Variants in USP53 observed in about 807,000 individuals in gnomAD.
USP53 encodes ubiquitin specific peptidase 53.
USP53 carries 71 observed loss-of-function variants against 94.9 expected under a neutral mutation model. The ratio of observed to expected loss-of-function variants is 0.75; its 90% confidence interval spans 0.62 to 0.91. USP53 has a LOEUF of 0.91. Ranked by LOEUF, USP53 falls within the 40% of genes least tolerant of loss-of-function variation. The pLI is 0.00. For missense variants in USP53, 1,173 were observed against 1,281.0 expected (o/e 0.92, Z 1.29); for synonymous variants, 375 against 422.7 (o/e 0.89, Z 1.39).
In USP53 at chr4:119,268,316, G is replaced by A. The variant is rs1367692590; in HGVS notation, c.1184G>A (p.Gly395Glu). 5.6e-6 allele frequency: 9 copies of A among 1,613,616 alleles called. No homozygotes were observed. Among genetic ancestry groups the A allele is most frequent in the Non-Finnish European group, 7.6e-6 (9 of 1,179,872 alleles). ...AAGTCAGATAATTTAAAAGAAAATGGATTTGGTGATCAGGCAAAGCAGAGA... is the reference window on the plus strand; with the variant it reads ...AAGTCAGATAATTTAAAAGAAAATGAATTTGGTGATCAGGCAAAGCAGAGA... ...IHKSDNLKEN[G>E]FGDQAKQREN... The change falls in exon 14 of 19, where the codon GGA (glycine) becomes GAA (glutamate). Residue 395 changes from glycine (G) to glutamate (E), a missense_variant. Transcript: ENST00000692078.
chr4:119,232,261 CTATCTT>C (rs1392151183), intron 3 of USP53, among the ~76,000 whole-genome samples: 1 of 152,176 alleles, frequency 6.6e-6, no homozygotes, highest in Non-Finnish European at 1.5e-5. Context: ...GAAAGAAACT[CTATCTT>C]TAACGATCAC....
Position 119,271,339 on chromosome 4 carries a change from T to C in USP53, c.1479T>C (p.Pro493=), listed in dbSNP as rs1170390345. 1 of 1,594,756 alleles carries C rather than the reference T, an allele frequency of 6.3e-7. No individual in the cohort carries two copies. The change falls in exon 16 of 19, where the codon CCT becomes CCC. Residue 493 remains proline, a synonymous_variant. Coordinates refer to ENST00000692078, the MANE Select transcript of USP53 (RefSeq NM_001371395.1). The part of the protein sequence containing the change: ...EDLSHFQSGS[P]PAPNGFKQHG... ...TTTCACATTTCCAATCTGGATCACC[T>C]CCTGCCCCAAATGGTTTTAAACAAC... is the stretch of plus-strand genomic sequence containing the variant.
At chr4:119,251,626 C>T (rs1452216972) in intron 7 of USP53, among the ~76,000 whole-genome samples, 1 of 77,232 alleles carries the variant, frequency 1.3e-5, no homozygotes, top group Non-Finnish European at 3.2e-5. Flanking sequence ...CATCTGCAAA[C>T]AGAGACAATT....
chr4:119,233,178 T>C (rs1320168216), intron 3 of USP53, among the ~76,000 whole-genome samples: 1 of 151,902 alleles, frequency 6.6e-6, no homozygotes, highest in East Asian at 1.9e-4. Flanking sequence ...CTCTCTCTTT[T>C]TTTTTTTTAA....
rs189371404 is a variant in USP53 at position 119,231,182 on chromosome 4, T to C, written c.-664-4108T>C. 3.8e-3 allele frequency among the ~76,000 whole-genome samples: 573 copies of C among 152,314 alleles called. 2 individuals carry two copies. Among genetic ancestry groups the C allele is most frequent in the Middle Eastern group, 6.8e-3 (2 of 294 alleles). On this transcript the variant is annotated intron_variant, in intron 3 of 18. Transcript: ENST00000692078. ...TTCTGGAATCAGAAAGTCCAACTTA[T>C]GTTCAAAGTGGATGCAGAGGTAACA...
chr4:119,274,266 G>A (rs1226760558), intron 17 of USP53, among the ~76,000 whole-genome samples: 1 of 100,020 alleles, frequency 1.0e-5, no homozygotes, highest in African/African-American at 3.9e-5. Context: ...CCCCACCGCA[G>A]TCCCCAGAGT....
intron 7 of USP53, among the ~76,000 whole-genome samples, chr4:119,251,060 C>T (rs995757651): frequency 6.6e-6 from 1 of 151,472 alleles, no homozygotes; most frequent in East Asian, 1.9e-4. Flanking sequence ...CCCCTAGCCC[C>T]CCACCCCCCA....
chr4:119,270,380 A>C (rs1412176590), intron 15 of USP53, among the ~76,000 whole-genome samples: 1 of 152,004 alleles, frequency 6.6e-6, no homozygotes, highest in Non-Finnish European at 1.5e-5. Context: ...TTACAGGGGT[A>C]CCCAGACCTA....
At chr4:119,247,726 G>A (rs1453575657) in intron 6 of USP53, among the ~76,000 whole-genome samples, 2 of 152,082 alleles carry the variant, frequency 1.3e-5, no homozygotes, top group East Asian at 1.9e-4. Flanking sequence ...TGACAGTCTC[G>A]CATAGGATTA....
chr4:119,224,230 C>T (rs1285541104), intron 3 of USP53, among the ~76,000 whole-genome samples: 1 of 152,022 alleles, frequency 6.6e-6, no homozygotes, highest in Non-Finnish European at 1.5e-5. Context: ...GAACTCCTGA[C>T]CTCGTGATCT....
chr4:119,215,826 A>G (rs1743661570), intron 2 of USP53, among the ~76,000 whole-genome samples: 1 of 152,250 alleles, frequency 6.6e-6, no homozygotes, highest in African/African-American at 2.4e-5. Flanking sequence ...TTTTTCTGCA[A>G]AATAAACCTT....
chr4:119,227,487 G>A (rs1028726670), intron 3 of USP53, among the ~76,000 whole-genome samples: 9 of 152,098 alleles, frequency 5.9e-5, no homozygotes, highest in Non-Finnish European at 1.2e-4. Context: ...AAAATTAGCC[G>A]GGCGTGGTGG....
intron 1 of USP53, among the ~76,000 whole-genome samples, chr4:119,213,820 A>C (rs1743307744): frequency 1.3e-5 from 2 of 151,680 alleles, no homozygotes; most frequent in Non-Finnish European, 2.9e-5. Context: ...CAGTGAGCCG[A>C]GATCGCGCCA....
At chr4:119,251,022 A>G (rs1019799549) in intron 7 of USP53, among the ~76,000 whole-genome samples, 7 of 152,066 alleles carry the variant, frequency 4.6e-5, no homozygotes, top group Non-Finnish European at 8.8e-5. Flanking sequence ...TGTCACCTAC[A>G]TTAGGTATTT....
Position 119,292,730 on chromosome 4 carries a change from A to T in USP53, c.2741A>T (p.Lys914Ile). Reference sequence around the variant, plus strand: ...AGATCTGATGGGTGTCAGATGCCAAAACTTTTTTGCCAGAATCTACCACCC... The same window carrying T: ...AGATCTGATGGGTGTCAGATGCCAATACTTTTTTGCCAGAATCTACCACCC... Reference protein sequence around the residue: ...ASRSDGCQMPKLFCQNLPPPL... With the variant: ...ASRSDGCQMPILFCQNLPPPL... The change falls in exon 19 of 19, where the codon AAA becomes ATA. Residue 914 changes from lysine (K) to isoleucine (I), a missense_variant. Transcript: ENST00000692078. 6.2e-7 allele frequency: 1 copy of T among 1,614,024 alleles called. No individual in the cohort carries two copies. The highest frequency in any genetic ancestry group is 8.5e-7 in the Non-Finnish European group (1 of 1,179,956).
chr4:119,240,690 G>T (rs529022437), intron 5 of USP53, among the ~76,000 whole-genome samples: 1 of 152,108 alleles, frequency 6.6e-6, no homozygotes, highest in East Asian at 1.9e-4. Context: ...ATATTGTGTT[G>T]ATTAGCTCAT....
intron 9 of USP53, among the ~76,000 whole-genome samples, chr4:119,259,321 G>A (rs1354770709): frequency 1.3e-5 from 2 of 149,600 alleles, no homozygotes; most frequent in Non-Finnish European, 3.0e-5. Flanking sequence ...TTCAAAATAA[G>A]AACAAAAGGA....
At chr4:119,240,523 T>C (rs2149327138) in intron 5 of USP53, among the ~76,000 whole-genome samples, 1 of 152,316 alleles carries the variant, frequency 6.6e-6, no homozygotes, top group African/African-American at 2.4e-5. Context: ...TTATAGATCC[T>C]GTGTCCTTCT....
chr4:119,267,412 A>G lies in USP53; in HGVS notation c.1065A>G (p.Ala355=). ...LLFYANPDGT[A]VSTEDALRQV... ...TTTATGCAAACCCAGATGGCACAGC[A>G]GTTTCTACTGAGGATGCACTCAGGC... Residue 355 remains alanine (A), a synonymous_variant, in exon 13 of 19, where the codon GCA becomes GCG. Coordinates refer to ENST00000692078, the MANE Select transcript of USP53 (RefSeq NM_001371395.1). 6.2e-7 allele frequency: 1 copy of G among 1,614,180 alleles called. No homozygotes were observed.
Sources: gnomAD v4.1 joint callset for allele counts (sites outside exome capture counted in the v4.1 genomes callset) on GRCh38, gnomAD v4.1.1 for gene constraint, MANE v1.5 for transcripts, NCBI Gene and HGNC (gene_info 2026-07-23, HGNC 2026-07-21) for gene names.